Variants in TNS1 observed in about 807,000 individuals in gnomAD.
TNS1 encodes the protein tensin-1.
Under a neutral mutation model 168.6 loss-of-function variants are expected in TNS1, and 62 were observed. That is an observed-to-expected ratio of 0.37 (90% CI 0.30 to 0.45). TNS1 has a LOEUF of 0.45. TNS1 is among the 20% of genes least tolerant of loss of function. The pLI is 1.00. For missense variants in TNS1, 2,240 were observed against 2,339.4 expected, an observed-to-expected ratio of 0.96 and a Z score of 0.88; for synonymous variants, 934 against 933.2, an observed-to-expected ratio of 1.00 and a Z score of -0.02.
intron 24 of TNS1, among the ~76,000 whole-genome samples, chr2:217,816,145 G>C (rs2125139896): frequency 6.6e-6 from 1 of 152,278 alleles, no homozygotes; most frequent in Admixed American, 6.5e-5. Flanking sequence ...GGTGACCTTG[G>C]TAAGAGGCCC....
chr2:217,886,862 T>C (rs1951253551), intron 12 of TNS1, among the ~76,000 whole-genome samples: 3 of 152,114 alleles, frequency 2.0e-5, no homozygotes, highest in African/African-American at 4.8e-5. Context: ...ATACCAGACC[T>C]AGAGCTGGGT....
chr2:217,816,630 A>G (rs1203567195), intron 24 of TNS1, among the ~76,000 whole-genome samples: 2 of 152,132 alleles, frequency 1.3e-5, no homozygotes, highest in African/African-American at 4.8e-5. Flanking sequence ...CTGCAGTCCC[A>G]CGTGCCTTCC....
chr2:217,808,694 A>G, intron 30 of TNS1, 23 bp from the exon 31 acceptor site: 2 of 1,612,688 alleles, frequency 1.2e-6, no homozygotes, highest in Admixed American at 3.3e-5. Flanking sequence ...CATCAGATAA[A>G]CAGAGAATGA....
At chr2:217,926,495 T>C (rs1370499791) in intron 3 of TNS1, among the ~76,000 whole-genome samples, 1 of 152,154 alleles carries the variant, frequency 6.6e-6, no homozygotes, top group Non-Finnish European at 1.5e-5. Context: ...AAAAGTTACA[T>C]GGGAGGGAAG....
upstream of TNS1, among the ~76,000 whole-genome samples, chr2:218,003,971 G>A (rs1219265220): frequency 3.9e-5 from 6 of 152,066 alleles, no homozygotes; most frequent in South Asian, 6.2e-4. Flanking sequence ...GTATTCCCAC[G>A]GAGCACTAAG....
At chr2:217,917,531 A>G (rs550863219) in intron 4 of TNS1, among the ~76,000 whole-genome samples, 1 of 152,242 alleles carries the variant, frequency 6.6e-6, no homozygotes, top group South Asian at 2.1e-4. Flanking sequence ...TGACACTTCA[A>G]TAAAAATTTG....
intron 22 of TNS1, among the ~76,000 whole-genome samples, chr2:217,830,979 A>G (rs996492477): frequency 2.0e-5 from 3 of 152,158 alleles, no homozygotes; most frequent in Non-Finnish European, 4.4e-5. Flanking sequence ...TGCCAGGTGA[A>G]TGCCTGTGAT....
At chr2:218,007,006 G>C (rs1958664324), upstream of TNS1, among the ~76,000 whole-genome samples, 1 of 152,064 alleles carries the variant, frequency 6.6e-6, no homozygotes, top group African/African-American at 2.4e-5. Context: ...TCAGTTCCCA[G>C]ACCCTGGATT....
intron 18 of TNS1, among the ~76,000 whole-genome samples, chr2:217,866,054 C>T (rs891617570): frequency 2.6e-5 from 4 of 152,100 alleles, no homozygotes; most frequent in Non-Finnish European, 5.9e-5. Flanking sequence ...TTACTCAGAT[C>T]CCCCAAAGGC....
intron 2 of TNS1, among the ~76,000 whole-genome samples, chr2:217,982,240 C>A (rs1958070891): frequency 6.6e-6 from 1 of 152,156 alleles, no homozygotes; most frequent in African/African-American, 2.4e-5. Context: ...GATCCTCCAG[C>A]CCCAGTCAGG....
chr2:217,857,426 T>A (rs1245671272), intron 18 of TNS1, among the ~76,000 whole-genome samples: 1 of 152,168 alleles, frequency 6.6e-6, no homozygotes, highest in Non-Finnish European at 1.5e-5. Context: ...AAGGTGAAGA[T>A]GGCTGGGGCT....
chr2:217,818,120 C>T lies in TNS1; in HGVS notation c.4212G>A (p.Leu1404=). Residue 1404 remains leucine (L), a synonymous_variant, in exon 24 of 33, where the codon CTG becomes CTA. Transcript: ENST00000682258. ...NAIASPGSPS[L]GRHLGGSGSV... ...ATCCAGACCCTCCGAGGTGACGGCC[C>T]AGGCTGGGGCTTCCAGGGCTGGCTA... is the stretch of plus-strand genomic sequence containing the variant. 3 of 1,614,004 alleles carry T rather than the reference C, an allele frequency of 1.9e-6. No individual in the cohort carries two copies. The highest frequency in any genetic ancestry group is 2.5e-6 in the Non-Finnish European group (3 of 1,179,986).
At chr2:217,885,964 T>C in intron 14 of TNS1, 80 bp downstream of exon 14, 1 of 1,573,666 alleles carries the variant, frequency 6.4e-7, no homozygotes, top group Non-Finnish European at 8.7e-7. Flanking sequence ...GAATATTCTC[T>C]CCTCTCCCCA....
chr2:217,859,615 A>C (rs1559254187), intron 18 of TNS1: 1 of 1,534,236 alleles, frequency 6.5e-7, no homozygotes, highest in Non-Finnish European at 8.7e-7. Flanking sequence ...TGGGAAGGCC[A>C]GTGTGTGTCT....
intron 3 of TNS1, among the ~76,000 whole-genome samples, chr2:217,950,153 A>G (rs777038560): frequency 2.6e-5 from 4 of 152,228 alleles, no homozygotes; most frequent in African/African-American, 7.2e-5. Flanking sequence ...CACTCAGTAA[A>G]TATTTGTTGA....
At position 217,953,290 on chromosome 2, in the gene TNS1, C is replaced by T. The variant is rs189043772; in HGVS notation, c.186+25475G>A. ...GAGTGCGGGGCAACAGCTACAGCCC[C>T]GCCCTCTGGGTGCTCCTCACCAGGG... On this transcript the variant is annotated intron_variant, in intron 3 of 32. Transcript: ENST00000682258. 4.4e-3 allele frequency among the ~76,000 whole-genome samples: 667 copies of T among 152,276 alleles called. 1 individual carries two copies. The highest frequency in any genetic ancestry group is 7.9e-3 in the Admixed American group (121 of 15,304).
chr2:217,868,944 G>A (rs17790821), intron 18 of TNS1, among the ~76,000 whole-genome samples: 8,369 of 152,352 alleles, frequency 0.055, 258 homozygotes, highest in Non-Finnish European at 0.063. Context: ...GACTCTGGTA[G>A]GATTTTAGAA....
intron 1 of TNS1, among the ~76,000 whole-genome samples, chr2:218,029,846 C>A (rs1012332518): frequency 1.3e-5 from 2 of 152,156 alleles, no homozygotes; most frequent in African/African-American, 2.4e-5. Context: ...TGAGTACGTG[C>A]GTGTGTTCAG....
intron 3 of TNS1, among the ~76,000 whole-genome samples, chr2:217,974,080 G>A (rs1957833950): frequency 6.6e-6 from 1 of 152,176 alleles, no homozygotes; most frequent in Non-Finnish European, 1.5e-5. Context: ...TCAAGAACAG[G>A]CAAAACTAAT....
Sources: gnomAD v4.1 joint callset for allele counts (sites outside exome capture counted in the v4.1 genomes callset) on GRCh38, gnomAD v4.1.1 for gene constraint, MANE v1.5 for transcripts, NCBI Gene and HGNC (gene_info 2026-07-23, HGNC 2026-07-21) for gene names.